The following CLSPN variants were observed in gnomAD, a reference collection of about 807,000 sequenced individuals.
CLSPN encodes the protein claspin homolog.
Under a neutral mutation model 156.3 loss-of-function variants are expected in CLSPN, and 85 were observed. The ratio of observed to expected loss-of-function variants is 0.54; its 90% CI spans 0.46 to 0.65. CLSPN has a LOEUF of 0.65. Ranked by LOEUF, CLSPN falls within the 30% of genes least tolerant of loss-of-function variation. The probability of loss-of-function intolerance (pLI) is 0.00; values close to 1 mark genes in which losing one functional copy is unlikely to be tolerated. For synonymous variants in CLSPN, 534 were observed against 542.4 expected (o/e 0.98, Z 0.22); for missense variants, 1,407 against 1,554.9 (o/e 0.90, Z 1.60).
At position 35,765,702 on chromosome 1, in the gene CLSPN, A is replaced by G. The variant is rs113381620; in HGVS notation, c.25-376T>C. 5.5e-4 allele frequency among the ~76,000 whole-genome samples: 83 copies of G among 152,202 alleles called. 1 individual carries two copies. Among genetic ancestry groups the G allele is most frequent in the Admixed American group, 3.3e-4 (5 of 15,272 alleles). ...GATAGAATTAGATTATCACAATTTT[A>G]TCAACCCTCAATTAAATAACAGACC... On this transcript the variant is annotated intron_variant, in intron 1 of 24. Transcript: ENST00000318121.
chr1:35,768,018 A>G (rs1405103836), intron 1 of CLSPN, among the ~76,000 whole-genome samples: 1 of 152,200 alleles, frequency 6.6e-6, no homozygotes, highest in Non-Finnish European at 1.5e-5. Context: ...TAAAGGGAGA[A>G]ATATGAACAT....
rs201356504 is a variant in CLSPN at position 35,739,472 on chromosome 1, G to C, written c.3201C>G (p.Ser1067Arg). The change falls in exon 19 of 25, where the codon AGC becomes AGG. Residue 1067 changes from serine to arginine, a missense_variant. Coordinates refer to ENST00000318121, the MANE Select transcript of CLSPN (RefSeq NM_022111.4). ...EAEVSGSDVGSEDEYDGEEID... is the reference protein window; with the variant it reads ...EAEVSGSDVGREDEYDGEEID... ...TTTCTTCCCCATCATACTCATCTTC[G>C]CTTCCCACATCACTTCCTGACACCT... 1 of 1,613,636 alleles carries C rather than the reference G, an allele frequency of 6.2e-7. No individual in the cohort carries two copies. The highest frequency in any genetic ancestry group is 1.3e-5 in the African/African-American group (1 of 74,804).
intron 22 of CLSPN, 41 bp downstream of exon 22, chr1:35,737,951 C>T: frequency 1.7e-6 from 2 of 1,156,010 alleles, no homozygotes; most frequent in Non-Finnish European, 1.2e-6. Flanking sequence ...CTACCACTAA[C>T]AATCCAGGGG....
At chr1:35,748,135 G>A (rs917351887) in intron 13 of CLSPN, 74 bp from the exon 14 acceptor site, 2 of 1,519,232 alleles carry the variant, frequency 1.3e-6, no homozygotes, top group African/African-American at 1.4e-5. Context: ...AACCACAAAA[G>A]TTGCTATTTG....
Position 35,734,807 on chromosome 1 carries a change from C to G in CLSPN, c.*1689G>C, listed in dbSNP as rs1382276665. On this transcript the variant is annotated 3_prime_UTR_variant, in exon 25 of 25. Coordinates refer to ENST00000318121, the MANE Select transcript of CLSPN (RefSeq NM_022111.4). ...TCTCCCAGTAAAAAACTGGCACACT[C>G]TCTTCCAACTGCCCAAGTACAGGTC... 1.0e-6 allele frequency: 1 copy of G among 985,234 alleles called. No individual in the cohort carries two copies. Among genetic ancestry groups the G allele is most frequent in the Non-Finnish European group, 1.2e-6 (1 of 829,874 alleles). The allele number at this position is 985,234 out of a possible 1,614,324, so 61.0% of individuals were successfully genotyped here. A position where few individuals can be genotyped will look rare whatever the true frequency, so the allele number is the denominator to read the frequency against.
At position 35,748,495 on chromosome 1, in the gene CLSPN, G is replaced by A. The variant is rs200715419; in HGVS notation, c.2382C>T (p.Gly794=). 8.7e-6 allele frequency: 14 copies of A among 1,613,986 alleles called. No individual in the cohort carries two copies. The highest frequency in any genetic ancestry group is 8.5e-7 in the Non-Finnish European group (1 of 1,179,956). The change falls in exon 13 of 25, where the codon GGC becomes GGT. Residue 794 remains glycine (G), a synonymous_variant. Transcript: ENST00000318121. ...PSYQPCNRQT[G]RGTSFFPTAG... ...CTGTAGGGAAAAAACTGGTCCCACGGCCTGTTTGTCTGTTGCAAGGCTGAT... is the reference window on the plus strand; with the variant it reads ...CTGTAGGGAAAAAACTGGTCCCACGACCTGTTTGTCTGTTGCAAGGCTGAT...
intron 18 of CLSPN, among the ~76,000 whole-genome samples, chr1:35,742,388 G>A (rs1641725308): frequency 6.6e-6 from 1 of 152,122 alleles, no homozygotes; most frequent in Non-Finnish European, 1.5e-5. Context: ...TTGAGATGGA[G>A]TCTTGCTCTA....
At chr1:35,749,897 T>C in intron 10 of CLSPN, 86 bp from the exon 11 acceptor site, 1 of 1,424,212 alleles carries the variant, frequency 7.0e-7, no homozygotes. Flanking sequence ...ATATGGCTGA[T>C]TGGTTACAGA....
chr1:35,730,567 T>TAAAAAAA (rs56320150), downstream of CLSPN, among the ~76,000 whole-genome samples: 21 of 61,962 alleles, frequency 3.4e-4, no homozygotes, highest in East Asian at 9.2e-4. Flanking sequence ...GAATCCATAT[T>TAAAAAAA]AAAAAAAAAA....
downstream of CLSPN, among the ~76,000 whole-genome samples, chr1:35,729,638 G>A (rs1641270395): frequency 6.6e-6 from 1 of 152,148 alleles, no homozygotes; most frequent in Non-Finnish European, 1.5e-5. Context: ...TATCTCCCCA[G>A]TTCACTGGAG....
intron 13 of CLSPN, 120 bp from the exon 14 acceptor site, chr1:35,748,181 G>C: frequency 1.7e-6 from 2 of 1,164,320 alleles, no homozygotes; most frequent in Non-Finnish European, 1.2e-6. Flanking sequence ...TTGTAGTTGA[G>C]GGGGACAATA....
At chr1:35,748,329 T>C in intron 13 of CLSPN, 76 bp downstream of exon 13, 3 of 1,409,354 alleles carry the variant, frequency 2.1e-6, no homozygotes, top group Non-Finnish European at 3.0e-6. Context: ...TGGGAGTTGG[T>C]TGGCTGGGAC....
chr1:35,765,180 C>G (rs201885250), intron 2 of CLSPN, 38 bp downstream of exon 2: 2 of 1,317,532 alleles, frequency 1.5e-6, no homozygotes. Context: ...CTGAGGCTCC[C>G]GCAACCTATT....
At chr1:35,758,918 AC>A (rs1642384058) in intron 8 of CLSPN, among the ~76,000 whole-genome samples, 3 of 150,966 alleles carry the variant, frequency 2.0e-5, no homozygotes, top group Non-Finnish European at 4.4e-5. Flanking sequence ...ACAGGTGTGC[AC>A]CACTGTGTCT....
At chr1:35,759,829 C>CTTTT (rs530890885) in intron 8 of CLSPN, among the ~76,000 whole-genome samples, 36 of 128,260 alleles carry the variant, frequency 2.8e-4, no homozygotes, top group Non-Finnish European at 3.7e-4. Flanking sequence ...TATCAACAAC[C>CTTTT]TTTTTTTTTT....
chr1:35,735,809 C>A lies in CLSPN; in HGVS notation c.*687G>T, dbSNP rs947889319. ...ATGGTACTGATTTTCACTGTTTAAT[C>A]TGTAATGTCACACTTTTCCCTACTC... On this transcript the variant is annotated 3_prime_UTR_variant, in exon 25 of 25. Coordinates refer to ENST00000318121, the MANE Select transcript of CLSPN (RefSeq NM_022111.4). 3.1e-5 allele frequency: 31 copies of A among 985,270 alleles called. 2 individuals are homozygous for A. Among genetic ancestry groups the A allele is most frequent in the Middle Eastern group, 1.0e-3 (2 of 1,914 alleles). 61.0% of individuals were successfully genotyped at this position (985,270 alleles called of 1,614,324 possible). A position where few individuals can be genotyped will look rare whatever the true frequency, so the allele number is the denominator to read the frequency against.
In CLSPN at chr1:35,764,250, A is replaced by C. The variant is rs1360588099; in HGVS notation, c.582+16T>G. 1 of 1,506,408 alleles carries C rather than the reference A, an allele frequency of 6.6e-7. No individual in the cohort carries two copies. The highest frequency in any genetic ancestry group is 2.3e-5 in the Admixed American group (1 of 43,952). 93.3% of individuals were successfully genotyped at this position (1,506,408 alleles called of 1,614,324 possible). A position where few individuals can be genotyped will look rare whatever the true frequency, so the allele number is the denominator to read the frequency against. On this transcript the variant is annotated intron_variant, in intron 3 of 24. Transcript: ENST00000318121. ...TAACCTACCCAAGCAATAGCAAATTATTCTTTAAAATGTACCTGGTTTTTT... is the reference window on the plus strand; with the variant it reads ...TAACCTACCCAAGCAATAGCAAATTCTTCTTTAAAATGTACCTGGTTTTTT...
At chr1:35,730,333 C>CA (rs1641283742), downstream of CLSPN, among the ~76,000 whole-genome samples, 1 of 151,816 alleles carries the variant, frequency 6.6e-6, no homozygotes, top group South Asian at 2.1e-4. Context: ...CACTTGAGGT[C>CA]AGGAGTTCGA....
chr1:35,760,268 C>T, intron 8 of CLSPN, 74 bp downstream of exon 8: 1 of 1,203,006 alleles, frequency 8.3e-7, no homozygotes, highest in Non-Finnish European at 1.2e-6. Context: ...GTTCTCTGTC[C>T]TCGACAGTAG....
Sources: gnomAD v4.1 joint callset for allele counts (sites outside exome capture counted in the v4.1 genomes callset) on GRCh38, gnomAD v4.1.1 for gene constraint, MANE v1.5 for transcripts, NCBI Gene and HGNC (gene_info 2026-07-23, HGNC 2026-07-21) for gene names.